The following LRRC66 variants were observed in gnomAD, a reference collection of about 807,000 sequenced individuals.
The protein encoded by LRRC66 is leucine-rich repeat-containing protein 66.
In LRRC66, 29 loss-of-function variants were observed where a neutral mutation model predicts 24.6. That is an observed-to-expected ratio of 1.18 (90% CI 0.88 to 1.61). The LOEUF (loss-of-function observed/expected upper bound fraction) is 1.61, where lower values mean the gene tolerates loss of function less well. Ranked by LOEUF, LRRC66 falls within the 40% of genes most tolerant of loss-of-function variation. The probability of loss-of-function intolerance (pLI) is 0.00; values close to 1 mark genes in which losing one functional copy is unlikely to be tolerated. For missense variants in LRRC66, 1,124 were observed against 1,058.0 expected, an observed-to-expected ratio of 1.06 and a Z score of -0.87; for synonymous variants, 411 against 397.6, an observed-to-expected ratio of 1.03 and a Z score of -0.40.
chr4:51,996,405 C>T (rs960260846), intron 4 of LRRC66, among the ~76,000 whole-genome samples: 2 of 151,984 alleles, frequency 1.3e-5, no homozygotes, highest in Non-Finnish European at 2.9e-5. Flanking sequence ...TGTCACCACG[C>T]CTGGGCTGCT....
intron 2 of LRRC66, among the ~76,000 whole-genome samples, chr4:52,007,981 T>A (rs895044700): frequency 6.6e-6 from 1 of 152,174 alleles, no homozygotes; most frequent in Non-Finnish European, 1.5e-5. Flanking sequence ...CTGCCAATTT[T>A]TTTTTTTTAA....
chr4:52,009,429 T>C (rs11724730), intron 2 of LRRC66, among the ~76,000 whole-genome samples: 65,779 of 151,758 alleles, frequency 0.43, 16,859 homozygotes, highest in Non-Finnish European at 0.57. Context: ...GTAAAAATAA[T>C]AGAGAAAAAT....
At position 51,994,637 on chromosome 4, in the gene LRRC66, G is replaced by A; in HGVS notation, c.2385C>T (p.Asp795=). The A allele has an allele frequency of 1.2e-6, 2 of 1,607,544 alleles. No individual in the cohort carries two copies. Among genetic ancestry groups the A allele is most frequent in the East Asian group, 2.2e-5 (1 of 44,858 alleles). Residue 795 remains aspartate, a synonymous_variant, in exon 5 of 5, where the codon GAC becomes GAT. Transcript: ENST00000682860. ...MYKTHLENAS[D]TDRSEGLSPW... The stretch of plus-strand genomic sequence containing the variant: ...GTGACAGGCCCTCAGATCTATCAGT[G>A]TCAGAGGCATTTTCCAGATGAGTCT...
In LRRC66 at chr4:52,003,167, A is replaced by G. The variant is rs1736493771; in HGVS notation, c.666+56T>C. The G allele has an allele frequency of 2.2e-6, 3 of 1,351,580 alleles. No individual in the cohort carries two copies. The South Asian group carries it at 4.0e-5, about 18-fold the overall frequency. The allele number at this position is 1,351,580 out of a possible 1,614,324, so 83.7% of individuals were successfully genotyped here. On this transcript the variant is annotated intron_variant, in intron 3 of 4. Coordinates refer to ENST00000682860, the MANE Select transcript of LRRC66 (RefSeq NM_001024611.3). ...AACTCTTCAATAGAAATATGCTTCT[A>G]ATGTAATTGCCCATGTGTCTTCCTT...
In LRRC66 at chr4:51,997,825, T is replaced by G. The variant is rs780565793; in HGVS notation, c.779A>C (p.Asp260Ala). 1 of 1,613,954 alleles carries G rather than the reference T, an allele frequency of 6.2e-7. No homozygotes were observed. The highest frequency in any genetic ancestry group is 1.3e-5 in the African/African-American group (1 of 74,914). The part of the protein sequence containing the change: ...DLADNNWQCD[D>A]SVAVFQNFIS... ...AAAATTTTGAAAGACTGCCACACTA[T>G]CATCACACTGCCAGTTATTATCAGC... The change falls in exon 4 of 5, where the codon GAT becomes GCT. Residue 260 changes from aspartate to alanine, a missense_variant. Coordinates refer to ENST00000682860, the MANE Select transcript of LRRC66 (RefSeq NM_001024611.3).
At chr4:52,010,715 A>C (rs1736681564) in intron 2 of LRRC66, among the ~76,000 whole-genome samples, 1 of 152,128 alleles carries the variant, frequency 6.6e-6, no homozygotes, top group Non-Finnish European at 1.5e-5. Flanking sequence ...GTTGATGGGC[A>C]CCTAGGTTGA....
Position 52,017,289 on chromosome 4 carries a change from G to A in LRRC66, c.325C>T (p.His109Tyr). The change falls in exon 2 of 5, where the codon CAT becomes TAT. Residue 109 changes from histidine (H) to tyrosine (Y), a missense_variant. Coordinates refer to ENST00000682860, the MANE Select transcript of LRRC66 (RefSeq NM_001024611.3). ...CTGAGGTTTAACACTTCCAAAGCAT[G>A]TAAATATGCAAAAGGGCTTAAGGTT... ...KITLSPFAYL[H>Y]ALEVLNLSNN... is the part of the protein sequence containing the mutation. 1 of 1,614,162 alleles carries A rather than the reference G, an allele frequency of 6.2e-7. No individual in the cohort carries two copies. Among genetic ancestry groups the A allele is most frequent in the Non-Finnish European group, 8.5e-7 (1 of 1,180,008 alleles).
At chr4:52,016,185 T>A (rs948664702) in intron 2 of LRRC66, among the ~76,000 whole-genome samples, 2 of 152,210 alleles carry the variant, frequency 1.3e-5, no homozygotes, top group African/African-American at 2.4e-5. Context: ...TTCCTATACC[T>A]GCTAGGCTAT....
chr4:52,009,509 C>G (rs892988247), intron 2 of LRRC66, among the ~76,000 whole-genome samples: 4 of 151,930 alleles, frequency 2.6e-5, no homozygotes, highest in Non-Finnish European at 4.4e-5. Flanking sequence ...CCAGGCTGAT[C>G]AGAAAAGAGA....
intron 2 of LRRC66, among the ~76,000 whole-genome samples, chr4:52,012,046 G>A (rs1219180753): frequency 6.6e-6 from 1 of 152,184 alleles, no homozygotes; most frequent in East Asian, 1.9e-4. Context: ...AATTAGCTGG[G>A]TGTGGTGGCA....
chr4:52,007,826 T>A lies in LRRC66; in HGVS notation c.497-4434A>T, dbSNP rs182977412. On this transcript the variant is annotated intron_variant, in intron 2 of 4. Coordinates refer to ENST00000682860, the MANE Select transcript of LRRC66 (RefSeq NM_001024611.3). ...GCTTTCTTGGTTTCTGCTAGTGTCA[T>A]TTAAATAACATGGCCTGGTGGCCTG... Among the ~76,000 whole-genome samples, 10 of 152,282 alleles carry A rather than the reference T, an allele frequency of 6.6e-5. No homozygotes were observed. In the East Asian group the frequency reaches 1.9e-3, roughly 29 times the overall value.
rs775742576 is a variant in LRRC66, at chr4:51,995,476, C to T, written c.1546G>A (p.Gly516Ser). ...GCTGCTGACATTAGTTCACGGTTAC[C>T]GGCATGTGGATGTCTCTGGAGAATG... ...YSILQRHPHAGNRELMSAAQD... is the reference protein window; with the variant it reads ...YSILQRHPHASNRELMSAAQD... The change falls in exon 5 of 5, where the codon GGT becomes AGT. Residue 516 changes from glycine (G) to serine (S), a missense_variant. By Grantham distance (56) the Gly-to-Ser change is moderately conservative. Coordinates refer to ENST00000682860, the MANE Select transcript of LRRC66 (RefSeq NM_001024611.3). 21 of 1,613,978 alleles carry T rather than the reference C, an allele frequency of 1.3e-5. No homozygotes were observed. Among genetic ancestry groups the T allele is most frequent in the African/African-American group, 2.7e-5 (2 of 74,884 alleles).
intron 1 of LRRC66, chr4:52,018,594 T>C: frequency 5.1e-6 from 5 of 985,386 alleles, no homozygotes; most frequent in Non-Finnish European, 6.0e-6. Context: ...TTTCCTTCTT[T>C]GTGATCCATC....
intron 2 of LRRC66, among the ~76,000 whole-genome samples, chr4:52,010,052 C>T (rs1264950719): frequency 6.6e-6 from 1 of 152,098 alleles, no homozygotes; most frequent in African/African-American, 2.4e-5. Context: ...CTACACAATT[C>T]TCCAAATTAA....
At chr4:52,019,333 T>G (rs535863435) in intron 1 of LRRC66, among the ~76,000 whole-genome samples, 33 of 152,010 alleles carry the variant, frequency 2.2e-4, no homozygotes, top group Middle Eastern at 3.4e-3. Context: ...TTGCTATTGT[T>G]TTGCTTTGTA....
At position 51,995,475 on chromosome 4, in the gene LRRC66, C is replaced by G. The variant is rs770315740; in HGVS notation, c.1547G>C (p.Gly516Ala). ...YSILQRHPHAGNRELMSAAQD... is the reference protein window; with the variant it reads ...YSILQRHPHAANRELMSAAQD... ...CGCTGCTGACATTAGTTCACGGTTA[C>G]CGGCATGTGGATGTCTCTGGAGAAT... The change falls in exon 5 of 5, where the codon GGT (glycine) becomes GCT (alanine). Residue 516 changes from glycine (G) to alanine (A), a missense_variant. Transcript: ENST00000682860. The G allele has an allele frequency of 1.2e-6, 2 of 1,614,012 alleles. No individual in the cohort carries two copies. Among genetic ancestry groups the G allele is most frequent in the African/African-American group, 2.7e-5 (2 of 74,918 alleles).
chr4:52,001,180 G>A (rs1055328419), intron 3 of LRRC66, among the ~76,000 whole-genome samples: 1 of 152,206 alleles, frequency 6.6e-6, no homozygotes, highest in African/African-American at 2.4e-5. Context: ...AATTTCAGCT[G>A]GGATAAGTGC....
intron 2 of LRRC66, among the ~76,000 whole-genome samples, chr4:52,013,765 A>G (rs1253614384): frequency 6.6e-6 from 1 of 152,194 alleles, no homozygotes; most frequent in African/African-American, 2.4e-5. Flanking sequence ...GCAACTTTTC[A>G]TTGGTTCTAG....
chr4:51,996,771 CT>C (rs780907889), intron 4 of LRRC66, among the ~76,000 whole-genome samples: 7 of 152,174 alleles, frequency 4.6e-5, no homozygotes, highest in Non-Finnish European at 8.8e-5. Flanking sequence ...TTGTATGTGC[CT>C]TAGGCTTCCT....
Sources: gnomAD v4.1 joint callset for allele counts (sites outside exome capture counted in the v4.1 genomes callset) on GRCh38, gnomAD v4.1.1 for gene constraint, MANE v1.5 for transcripts, NCBI Gene and HGNC (gene_info 2026-07-23, HGNC 2026-07-21) for gene names.